The following GRIN2B variants were observed in gnomAD, a reference collection of about 807,000 sequenced individuals.
The protein encoded by GRIN2B is glutamate receptor ionotropic, NMDA 2B.
A neutral mutation model predicts 114.5 loss-of-function variants in GRIN2B; 5 were observed. That is an observed-to-expected ratio of 0.04 (90% CI 0.02 to 0.09). The LOEUF (loss-of-function observed/expected upper bound fraction) is 0.09, where lower values mean the gene tolerates loss of function less well. GRIN2B is among the 10% of genes least tolerant of loss of function. The pLI, the probability that GRIN2B is intolerant of heterozygous loss-of-function variation, is 1.00. For missense variants in GRIN2B, 1,108 were observed against 1,943.5 expected, an observed-to-expected ratio of 0.57 and a Z score of 8.08; for synonymous variants, 787 against 745.1, an observed-to-expected ratio of 1.06 and a Z score of -0.92.
intron 5 of GRIN2B, among the ~76,000 whole-genome samples, chr12:13,642,155 T>A (rs1949723443): frequency 6.6e-6 from 1 of 151,870 alleles, no homozygotes; most frequent in Non-Finnish European, 1.5e-5. Context: ...GCCACTGCAC[T>A]CCAGCCTGGG....
intron 2 of GRIN2B, among the ~76,000 whole-genome samples, chr12:13,899,447 T>A (rs894803346): frequency 1.4e-5 from 2 of 145,146 alleles, no homozygotes; most frequent in African/African-American, 4.9e-5. Context: ...GTACCTTATG[T>A]AAGCCATGTT....
At chr12:13,874,056 C>T (rs1865955597) in intron 2 of GRIN2B, among the ~76,000 whole-genome samples, 1 of 152,200 alleles carries the variant, frequency 6.6e-6, no homozygotes, top group African/African-American at 2.4e-5. Context: ...TAAGGACGCC[C>T]ATCCTAAGCC....
chr12:13,929,511 AAAG>A (rs1212535231), intron 2 of GRIN2B, among the ~76,000 whole-genome samples: 1 of 152,208 alleles, frequency 6.6e-6, no homozygotes, highest in East Asian at 1.9e-4. Context: ...ACGTTATGCT[AAAG>A]AAGATTTCCA....
chr12:13,868,667 T>A (rs189147199), intron 2 of GRIN2B, among the ~76,000 whole-genome samples: 271 of 152,330 alleles, frequency 1.8e-3, no homozygotes, highest in African/African-American at 6.3e-3. Context: ...ACTCTCCCAC[T>A]TTGATGTTTT....
At chr12:13,978,647 G>A (rs1242077817) in intron 2 of GRIN2B, among the ~76,000 whole-genome samples, 1 of 152,212 alleles carries the variant, frequency 6.6e-6, no homozygotes, top group Non-Finnish European at 1.5e-5. Context: ...GAAAAATAAT[G>A]ATGCTAATGA....
At chr12:13,821,976 T>C (rs1396200171) in intron 3 of GRIN2B, among the ~76,000 whole-genome samples, 1 of 152,174 alleles carries the variant, frequency 6.6e-6, no homozygotes, top group Non-Finnish European at 1.5e-5. Context: ...ATCTCAGCCA[T>C]GAAATATGTC....
chr12:13,606,101 G>A (rs985797462), intron 10 of GRIN2B, among the ~76,000 whole-genome samples: 6 of 152,140 alleles, frequency 3.9e-5, no homozygotes, highest in Admixed American at 1.3e-4. Flanking sequence ...CCATACCTCT[G>A]ACAAGTCTAC....
At chr12:13,583,214 C>T (rs1252974245) in intron 10 of GRIN2B, among the ~76,000 whole-genome samples, 1 of 152,184 alleles carries the variant, frequency 6.6e-6, no homozygotes, top group Non-Finnish European at 1.5e-5. Flanking sequence ...GATACAATCC[C>T]TACCATTACA....
chr12:13,887,049 C>A (rs1182538712), intron 2 of GRIN2B, among the ~76,000 whole-genome samples: 2 of 152,180 alleles, frequency 1.3e-5, no homozygotes, highest in Non-Finnish European at 2.9e-5. Context: ...AGGATACAAA[C>A]CGAGGCAGTT....
chr12:13,642,733 TCTGATAA>T (rs2136508751), intron 5 of GRIN2B, among the ~76,000 whole-genome samples: 1 of 152,290 alleles, frequency 6.6e-6, no homozygotes, highest in East Asian at 1.9e-4. Context: ...TGTCAGATAC[TCTGATAA>T]CTGTTATTTT....
chr12:13,682,314 G>A (rs1736574711), intron 4 of GRIN2B, among the ~76,000 whole-genome samples: 1 of 150,644 alleles, frequency 6.6e-6, no homozygotes, highest in South Asian at 2.1e-4. Flanking sequence ...CTCTGTGGTT[G>A]GACAATATAA....
At chr12:13,685,114 G>A (rs544348957) in intron 4 of GRIN2B, among the ~76,000 whole-genome samples, 3 of 152,222 alleles carry the variant, frequency 2.0e-5, no homozygotes, top group South Asian at 2.1e-4. Flanking sequence ...TGATATCAAC[G>A]GAAAAGAATA....
At chr12:13,905,653 A>T (rs1379933492) in intron 2 of GRIN2B, among the ~76,000 whole-genome samples, 2 of 152,142 alleles carry the variant, frequency 1.3e-5, no homozygotes, top group African/African-American at 4.8e-5. Flanking sequence ...TCCTTAAAGA[A>T]GTTTTGCATT....
chr12:13,588,736 C>T (rs77303335), intron 10 of GRIN2B, among the ~76,000 whole-genome samples: 87 of 152,178 alleles, frequency 5.7e-4, no homozygotes, highest in Admixed American at 3.2e-3. Context: ...TGTCACTGGA[C>T]GCTAAAGAGC....
intron 4 of GRIN2B, among the ~76,000 whole-genome samples, chr12:13,713,659 T>A (rs890672896): frequency 2.6e-5 from 4 of 151,226 alleles, no homozygotes; most frequent in African/African-American, 9.7e-5. Flanking sequence ...CAACTCAGAA[T>A]CTGGTTGTTA....
intron 3 of GRIN2B, among the ~76,000 whole-genome samples, chr12:13,772,628 A>G (rs1863926150): frequency 6.6e-6 from 1 of 152,234 alleles, no homozygotes; most frequent in South Asian, 2.1e-4. Context: ...ACTGATAAAG[A>G]AGCAGTATTT....
At chr12:13,616,718 C>T in intron 5 of GRIN2B, 61 bp from the exon 6 acceptor site, 1 of 1,327,766 alleles carries the variant, frequency 7.5e-7, no homozygotes, top group Non-Finnish European at 1.1e-6. Flanking sequence ...AACAGCCTGT[C>T]CCAGTATTGT....
At position 13,548,650 on chromosome 12, in the gene GRIN2B, T is replaced by A. The variant is rs1253622444; in HGVS notation, c.*14133A>T. 1.3e-5 allele frequency: 2 copies of A among 151,892 alleles called. No homozygotes were observed. The highest frequency in any genetic ancestry group is 1.3e-4 in the Admixed American group (2 of 15,252). The allele number at this position is 151,892 out of a possible 1,614,324, so 9.4% of individuals were successfully genotyped here. ...TGAAAAAGATGAAGTCACCACGGAG[T>A]CAAGGTAGAAATAGCTACTGCCCCT... On this transcript the variant is annotated 3_prime_UTR_variant, in exon 14 of 14. Transcript: ENST00000609686.
At chr12:13,799,707 GA>G (rs959534616) in intron 3 of GRIN2B, among the ~76,000 whole-genome samples, 1 of 152,084 alleles carries the variant, frequency 6.6e-6, no homozygotes, top group African/African-American at 2.4e-5. Flanking sequence ...GAGAGGGGGG[GA>G]AAGGAGGAGC....
Sources: gnomAD v4.1 joint callset for allele counts (sites outside exome capture counted in the v4.1 genomes callset) on GRCh38, gnomAD v4.1.1 for gene constraint, MANE v1.5 for transcripts, NCBI Gene and HGNC (gene_info 2026-07-23, HGNC 2026-07-21) for gene names.